SYT16: variants seen among roughly 807,000 people sequenced by gnomAD.
SYT16 encodes synaptotagmin-16.
Under a neutral mutation model 61.4 loss-of-function variants are expected in SYT16, and 42 were observed. The observed-to-expected ratio is 0.68, with a 90% confidence interval of 0.53 to 0.89. The LOEUF is 0.89. Ranked by LOEUF, SYT16 falls within the 40% of genes least tolerant of loss-of-function variation. SYT16 has a pLI of 0.00. For missense variants in SYT16, 804 were observed against 807.3 expected (o/e 1.00, Z 0.05); for synonymous variants, 314 against 302.3 (o/e 1.04, Z -0.40).
intron 2 of SYT16, among the ~76,000 whole-genome samples, chr14:61,970,964 A>C (rs2051526368): frequency 6.7e-6 from 1 of 150,348 alleles, no homozygotes; most frequent in African/African-American, 2.5e-5. Flanking sequence ...TCTGATTATT[A>C]CTCTCCTTTT....
At chr14:61,951,106 T>C (rs2050654517) in intron 1 of SYT16, among the ~76,000 whole-genome samples, 1 of 152,222 alleles carries the variant, frequency 6.6e-6, no homozygotes, top group Non-Finnish European at 1.5e-5. Context: ...GCATTTTTGC[T>C]CTCATCTGAA....
chr14:61,852,465 G>C (rs1031899256), intron 1 of SYT16, among the ~76,000 whole-genome samples: 1 of 152,102 alleles, frequency 6.6e-6, no homozygotes, highest in African/African-American at 2.4e-5. Flanking sequence ...GAACATCAAT[G>C]GTAGTTTAAT....
chr14:62,048,773 G>A (rs983981462), intron 3 of SYT16, among the ~76,000 whole-genome samples: 1 of 152,144 alleles, frequency 6.6e-6, no homozygotes, highest in Non-Finnish European at 1.5e-5. Flanking sequence ...CAGTTTCCGT[G>A]TATTTGAGGG....
At position 61,997,308 on chromosome 14, in the gene SYT16, T is replaced by C. The variant is rs539660587; in HGVS notation, c.523+766T>C. On this transcript the variant is annotated intron_variant, in intron 3 of 7. Coordinates refer to ENST00000683842, the MANE Select transcript of SYT16 (RefSeq NM_001367656.1). Reference sequence around the variant, plus strand: ...GATATACACAGAAGGGATTTGGGTATGTGTGCATGGTGTGTAGTTGTAATG... The same window carrying C: ...GATATACACAGAAGGGATTTGGGTACGTGTGCATGGTGTGTAGTTGTAATG... Among the ~76,000 whole-genome samples, 3 of 152,180 alleles carry C rather than the reference T, an allele frequency of 2.0e-5. No individual in the cohort carries two copies. In the South Asian group the frequency reaches 6.2e-4, roughly 32 times the overall value.
At chr14:62,007,826 T>C (rs2053283974) in intron 3 of SYT16, among the ~76,000 whole-genome samples, 1 of 152,040 alleles carries the variant, frequency 6.6e-6, no homozygotes, top group African/African-American at 2.4e-5. Flanking sequence ...TAGAGGCAAG[T>C]TATCCTCCAG....
At chr14:61,841,989 G>C (rs1034479155) in intron 1 of SYT16, among the ~76,000 whole-genome samples, 1 of 152,062 alleles carries the variant, frequency 6.6e-6, no homozygotes. Context: ...ATGAGTGCAG[G>C]TGTCTTCTGT....
chr14:62,091,006 G>A (rs1190375992), intron 7 of SYT16, among the ~76,000 whole-genome samples: 8 of 152,244 alleles, frequency 5.3e-5, no homozygotes, highest in Admixed American at 3.9e-4. Flanking sequence ...ACCTCCCACC[G>A]GGTCCCTCCC....
intron 1 of SYT16, among the ~76,000 whole-genome samples, chr14:61,914,541 C>T (rs1326683898): frequency 1.3e-5 from 2 of 152,186 alleles, no homozygotes; most frequent in East Asian, 3.8e-4. Flanking sequence ...CATCAGATTC[C>T]TCCCTACCAC....
intron 7 of SYT16, among the ~76,000 whole-genome samples, chr14:62,096,978 G>A (rs1375389049): frequency 2.0e-5 from 3 of 152,004 alleles, no homozygotes; most frequent in African/African-American, 7.3e-5. Context: ...CCCTTACCCT[G>A]TATCCCAGAG....
intron 1 of SYT16, among the ~76,000 whole-genome samples, chr14:61,956,607 A>G (rs1243084092): frequency 3.3e-5 from 5 of 151,960 alleles, no homozygotes; most frequent in Admixed American, 6.6e-5. Flanking sequence ...AGATCAGTTG[A>G]CCATATTCAT....
intron 1 of SYT16, among the ~76,000 whole-genome samples, chr14:61,891,030 T>C (rs2048105191): frequency 6.6e-6 from 1 of 152,198 alleles, no homozygotes; most frequent in Non-Finnish European, 1.5e-5. Flanking sequence ...GAGGTGACGT[T>C]TGTCTCCAGT....
chr14:61,925,299 G>A (rs1365693651), intron 1 of SYT16, among the ~76,000 whole-genome samples: 1 of 152,152 alleles, frequency 6.6e-6, no homozygotes, highest in Non-Finnish European at 1.5e-5. Flanking sequence ...AAAGTGTTAA[G>A]CCTGAAAAGA....
At chr14:61,815,606 G>T (rs2045403432) in intron 1 of SYT16, among the ~76,000 whole-genome samples, 1 of 152,158 alleles carries the variant, frequency 6.6e-6, no homozygotes, top group South Asian at 2.1e-4. Context: ...ATAGCCAATA[G>T]AAAATGTTCT....
intron 3 of SYT16, among the ~76,000 whole-genome samples, chr14:62,021,473 ATT>A (rs202097591): frequency 7.7e-6 from 1 of 130,456 alleles, no homozygotes; most frequent in African/African-American, 2.8e-5. Flanking sequence ...TATTATTATT[ATT>A]TTTTTTTCGG....
intron 1 of SYT16, among the ~76,000 whole-genome samples, chr14:61,919,363 G>A (rs747792613): frequency 1.8e-4 from 27 of 152,208 alleles, no homozygotes; most frequent in Non-Finnish European, 3.5e-4. Flanking sequence ...CACAAACTTA[G>A]TGGTGCAAAG....
chr14:62,016,838 T>G (rs1173238508), intron 3 of SYT16, among the ~76,000 whole-genome samples: 1 of 152,240 alleles, frequency 6.6e-6, no homozygotes, highest in Non-Finnish European at 1.5e-5. Context: ...CTATTTCTGA[T>G]GTACATATTT....
rs533275370 is a variant in SYT16 at position 61,898,673 on chromosome 14, T to TA, written c.-324-71458dup. ...TGGGCACAGACACGAGCTGAGAGTG[T>TA]ACACTTGAAACCTCAAAGGTTCTTC... On this transcript the variant is annotated intron_variant, in intron 1 of 7. Transcript: ENST00000683842. 1.1e-4 allele frequency among the ~76,000 whole-genome samples: 16 copies of TA among 152,292 alleles called. No individual in the cohort carries two copies. In the South Asian group the frequency reaches 2.3e-3, roughly 22 times the overall value.
chr14:62,046,207 G>A (rs1318324662), intron 3 of SYT16, among the ~76,000 whole-genome samples: 3 of 151,836 alleles, frequency 2.0e-5, no homozygotes, highest in South Asian at 2.1e-4. Flanking sequence ...GGCCAGTGAT[G>A]ATGAGCATTT....
intron 2 of SYT16, among the ~76,000 whole-genome samples, chr14:61,976,842 C>T (rs1469162085): frequency 6.6e-6 from 1 of 152,104 alleles, no homozygotes; most frequent in South Asian, 2.1e-4. Context: ...CAAATTTCTG[C>T]AGCCAGCTTG....
Sources: gnomAD v4.1 joint callset for allele counts (sites outside exome capture counted in the v4.1 genomes callset) on GRCh38, gnomAD v4.1.1 for gene constraint, MANE v1.5 for transcripts, NCBI Gene and HGNC (gene_info 2026-07-23, HGNC 2026-07-21) for gene names.